Variants in ZNF568 observed in about 807,000 individuals in gnomAD.
ZNF568 encodes the protein zinc finger protein 568.
Under a neutral mutation model 18.1 loss-of-function variants are expected in ZNF568, and 11 were observed. That is an observed-to-expected ratio of 0.61 (90% confidence interval 0.38 to 1.00). The LOEUF (loss-of-function observed/expected upper bound fraction) is 1.00, where lower values mean the gene tolerates loss of function less well. Ranked by LOEUF, ZNF568 falls within the 50% of genes least tolerant of loss-of-function variation. The pLI, the probability that ZNF568 is intolerant of heterozygous loss-of-function variation, is 0.01. For synonymous variants in ZNF568, 213 were observed against 246.6 expected, an observed-to-expected ratio of 0.86 and a Z score of 1.28; for missense variants, 639 against 768.2, an observed-to-expected ratio of 0.83 and a Z score of 1.99.
At chr19:36,924,294 C>T (rs929812884) in intron 3 of ZNF568, among the ~76,000 whole-genome samples, 1 of 151,670 alleles carries the variant, frequency 6.6e-6, no homozygotes, top group Non-Finnish European at 1.5e-5. Context: ...TCTCGGCTCA[C>T]TGCAACCTGC....
chr19:36,986,602 G>A (rs958445087), intron 2 of ZNF568, among the ~76,000 whole-genome samples: 4 of 152,088 alleles, frequency 2.6e-5, no homozygotes, highest in African/African-American at 9.7e-5. Flanking sequence ...ACAGAGCCTG[G>A]TGTCCTATGA....
downstream of ZNF568, among the ~76,000 whole-genome samples, chr19:36,980,962 C>CT (rs1395436456): frequency 6.6e-6 from 1 of 152,156 alleles, no homozygotes; most frequent in African/African-American, 2.4e-5. Context: ...CAGACGTGGT[C>CT]TTAGGGGCTC....
rs948715054 is a variant in ZNF568 at position 36,952,700 on chromosome 19, T to C, written c.*1612T>C. ...ATACCTTAAAAAGACTGGTAGCATA[T>C]AAAATAAATCTTAAAAGCTAATTAT... On this transcript the variant is annotated 3_prime_UTR_variant, in exon 7 of 7. Coordinates refer to ENST00000333987, the MANE Select transcript of ZNF568 (RefSeq NM_198539.4). 3 of 619,150 alleles carry C rather than the reference T, an allele frequency of 4.8e-6. No individual in the cohort carries two copies. Among genetic ancestry groups the C allele is most frequent in the Non-Finnish European group, 4.0e-6 (2 of 495,548 alleles). 38.4% of individuals were successfully genotyped at this position (619,150 alleles called of 1,614,324 possible). A position where few individuals can be genotyped will look rare whatever the true frequency, so the allele number is the denominator to read the frequency against.
intron 4 of ZNF568, chr19:36,931,631 G>C (rs2073688071): frequency 6.6e-6 from 1 of 152,150 alleles, no homozygotes; most frequent in South Asian, 2.1e-4. Context: ...GCCTCCCAAA[G>C]TGCTACGATT....
chr19:36,966,826 G>A (rs931698722), intron 6 of ZNF568, among the ~76,000 whole-genome samples: 3 of 152,210 alleles, frequency 2.0e-5, no homozygotes, highest in Non-Finnish European at 2.9e-5. Context: ...GCAGTCTCTT[G>A]GAGATCTTGC....
intron 7 of ZNF568, among the ~76,000 whole-genome samples, chr19:36,974,912 C>T (rs546586447): frequency 6.9e-4 from 103 of 150,268 alleles, no homozygotes; most frequent in African/African-American, 2.4e-3. Flanking sequence ...CTGCAACCTC[C>T]GCCTCCTCGG....
rs1379295299 is a variant in ZNF568, at chr19:36,950,069, T to A, written c.916T>A (p.Tyr306Asn). The change falls in exon 7 of 7, where the codon TAT (tyrosine) becomes AAT (asparagine). Residue 306 changes from tyrosine to asparagine, a missense_variant. Transcript: ENST00000333987. ...HHRIHTGEKP[Y>N]ACKDCWKAFS... ...CAGAATTCATACTGGGGAGAAACCT[T>A]ATGCATGTAAGGATTGTTGGAAAGC... 1.2e-6 allele frequency: 2 copies of A among 1,613,868 alleles called. No individual in the cohort carries two copies. Among genetic ancestry groups the A allele is most frequent in the Admixed American group, 3.3e-5 (2 of 59,984 alleles).
chr19:36,939,647 C>A (rs1353068799), intron 6 of ZNF568, among the ~76,000 whole-genome samples: 1 of 142,084 alleles, frequency 7.0e-6, no homozygotes, highest in Admixed American at 7.6e-5. Flanking sequence ...TTAAGCGATT[C>A]TTCTGCCTCA....
At chr19:36,948,834 G>C (rs1307224041) in intron 6 of ZNF568, among the ~76,000 whole-genome samples, 1 of 151,970 alleles carries the variant, frequency 6.6e-6, no homozygotes, top group Non-Finnish European at 1.5e-5. Flanking sequence ...GTAATGCGAG[G>C]GAACATCCTT....
At chr19:36,992,467 A>G (rs2074434521) in intron 4 of ZNF568, among the ~76,000 whole-genome samples, 1 of 152,108 alleles carries the variant, frequency 6.6e-6, no homozygotes, top group African/African-American at 2.4e-5. Flanking sequence ...GCGCCACTGC[A>G]CTTCAGCCTG....
chr19:36,991,797 G>A (rs1186090671), exon 4 of ZNF568: 1 of 1,581,796 alleles, frequency 6.3e-7, no homozygotes, highest in Non-Finnish European at 8.5e-7. Context: ...TGGAGCAGAA[G>A]AAAGAGCCCT....
intron 3 of ZNF568, among the ~76,000 whole-genome samples, chr19:36,923,307 GT>G (rs1311057000): frequency 6.6e-6 from 1 of 151,846 alleles, no homozygotes; most frequent in African/African-American, 2.4e-5. Context: ...AACCCCTTCC[GT>G]TTCATCTCCA....
At chr19:36,981,702 C>T (rs1600852019), downstream of ZNF568, among the ~76,000 whole-genome samples, 7 of 151,938 alleles carry the variant, frequency 4.6e-5, no homozygotes, top group South Asian at 1.5e-3. Flanking sequence ...TAGTGAGACC[C>T]CATCTCTACT....
At chr19:36,932,729 G>C (rs188738700) in intron 4 of ZNF568, among the ~76,000 whole-genome samples, 2 of 152,302 alleles carry the variant, frequency 1.3e-5, no homozygotes, top group East Asian at 3.9e-4. Flanking sequence ...AGCTGTCCTA[G>C]TGGGTGTGAA....
intron 6 of ZNF568, among the ~76,000 whole-genome samples, chr19:36,962,531 G>T (rs1405216159): frequency 6.6e-6 from 1 of 151,676 alleles, no homozygotes; most frequent in Non-Finnish European, 1.5e-5. Flanking sequence ...AGTAGAGACG[G>T]TCTTTTACCA....
At chr19:36,991,742 T>C in intron 3 of ZNF568, 1 of 1,556,014 alleles carries the variant, frequency 6.4e-7, no homozygotes, top group Non-Finnish European at 8.6e-7. Context: ...TCCCTTTGTT[T>C]TTGAGCAGGG....
chr19:36,986,316 C>G (rs936066922), intron 2 of ZNF568, among the ~76,000 whole-genome samples: 1 of 151,940 alleles, frequency 6.6e-6, no homozygotes, highest in African/African-American at 2.4e-5. Flanking sequence ...TTAATTAGAC[C>G]CCCCAACTTG....
At chr19:36,987,842 G>GTGTGTGTGTGTA (rs1189895543) in intron 2 of ZNF568, among the ~76,000 whole-genome samples, 13 of 151,762 alleles carry the variant, frequency 8.6e-5, no homozygotes, top group African/African-American at 2.9e-4. Flanking sequence ...GTGTGTGTGT[G>GTGTGTGTGTGTA]TGTGTGTGTT....
chr19:36,952,038 C>CTCTT lies in ZNF568; in HGVS notation c.*951_*952insCTTT. ...TGTCTATGACGTTGAGGCCAAGGAG[C>CTCTT]TTTTTTTTTTTTTTTTTCAAGACAA... On this transcript the variant is annotated 3_prime_UTR_variant, in exon 7 of 7. Coordinates refer to ENST00000333987, the MANE Select transcript of ZNF568 (RefSeq NM_198539.4). The CTCTT allele has an allele frequency of 1.1e-6, 1 of 879,402 alleles. No homozygotes were observed. Among genetic ancestry groups the CTCTT allele is most frequent in the Non-Finnish European group, 1.3e-6 (1 of 758,718 alleles). The allele number at this position is 879,402 out of a possible 1,614,324, so 54.5% of individuals were successfully genotyped here. A position where few individuals can be genotyped will look rare whatever the true frequency, so the allele number is the denominator to read the frequency against.
Sources: gnomAD v4.1 joint callset for allele counts (sites outside exome capture counted in the v4.1 genomes callset) on GRCh38, gnomAD v4.1.1 for gene constraint, MANE v1.5 for transcripts, NCBI Gene and HGNC (gene_info 2026-07-23, HGNC 2026-07-21) for gene names.